INPP5J: variants seen among roughly 807,000 people sequenced by gnomAD.
INPP5J encodes the protein inositol polyphosphate-5-phosphatase J.
In INPP5J, 75 loss-of-function variants were observed where a neutral mutation model predicts 86.6. That is an observed-to-expected ratio of 0.87 (90% CI 0.72 to 1.05). INPP5J has a LOEUF of 1.05. Ranked by LOEUF, INPP5J falls within the 50% of genes least tolerant of loss-of-function variation. INPP5J has a pLI of 0.00. For synonymous variants in INPP5J, 540 were observed against 550.0 expected, an observed-to-expected ratio of 0.98 and a Z score of 0.25; for missense variants, 1,229 against 1,341.2, an observed-to-expected ratio of 0.92 and a Z score of 1.31.
At chr22:31,123,843 AC>A (rs148043802) in intron 1 of INPP5J, 1 of 151,936 alleles carries the variant, frequency 6.6e-6, no homozygotes, top group East Asian at 1.9e-4. Context: ...GTGACTCCCC[AC>A]CCCTCCCACC....
At chr22:31,129,743 T>C (rs1921897373) in intron 9 of INPP5J, among the ~76,000 whole-genome samples, 1 of 151,366 alleles carries the variant, frequency 6.6e-6, no homozygotes, top group Non-Finnish European at 1.5e-5. Context: ...GGTTTTGCCA[T>C]GTTGGCCAGG....
chr22:31,126,010 G>A lies in INPP5J; in HGVS notation c.1271G>A (p.Arg424Gln), dbSNP rs763405518. 1.0e-5 allele frequency: 16 copies of A among 1,558,776 alleles called. No individual in the cohort carries two copies. Among genetic ancestry groups the A allele is most frequent in the South Asian group, 2.3e-5 (2 of 85,646 alleles). The change falls in exon 2 of 13, where the codon CGG (arginine) becomes CAG (glutamine). Residue 424 changes from arginine (R) to glutamine (Q), a missense_variant and splice_region_variant. Transcript: ENST00000331075. ...QPTWKSDPGF[R>Q]ITVVTWNVGT... ...ACCTGGAAGAGCGACCCCGGCTTCC[G>A]GTGAGGGGGCCCTCTCCCAAGAAAG...
chr22:31,126,073 A>C lies in INPP5J; in HGVS notation c.1271+63A>C. 5 of 1,411,450 alleles carry C rather than the reference A, an allele frequency of 3.5e-6. No homozygotes were observed. The South Asian group carries it at 7.0e-5, about 20-fold the overall frequency. The allele number at this position is 1,411,450 out of a possible 1,614,324, so 87.4% of individuals were successfully genotyped here. The stretch of plus-strand genomic sequence containing the variant: ...TAGCTCTGAGGTTAGCCATTCTTCC[A>C]GGGTGGATGGTGTGCTCTACCTCAG... On this transcript the variant is annotated intron_variant, in intron 2 of 12. Coordinates refer to ENST00000331075, the MANE Select transcript of INPP5J (RefSeq NM_001284285.2).
In INPP5J at chr22:31,125,870, T is replaced by A. The variant is rs774002536; in HGVS notation, c.1131T>A (p.Ser377Arg). 4.3e-6 allele frequency: 7 copies of A among 1,611,074 alleles called. No individual in the cohort carries two copies. In the Admixed American group the frequency reaches 1.2e-4, roughly 27 times the overall value. ...CCCTCCCAAGGCTTGGCACACAGAG[T>A]ACAGGGCCTGGCAGGTGCCTGAGCC... ...DMALPRLGTQSTGPGRCLSPN... is the reference protein window; with the variant it reads ...DMALPRLGTQRTGPGRCLSPN... The change falls in exon 2 of 13, where the codon AGT (serine) becomes AGA (arginine). Residue 377 changes from serine to arginine, a missense_variant. Coordinates refer to ENST00000331075, the MANE Select transcript of INPP5J (RefSeq NM_001284285.2).
At chr22:31,127,098 C>A (rs1921554426) in intron 5 of INPP5J, 61 bp downstream of exon 5, 3 of 1,190,252 alleles carry the variant, frequency 2.5e-6, no homozygotes, top group Non-Finnish European at 3.6e-6. Flanking sequence ...GATTAGTCCC[C>A]CCGCCCCATG....
In INPP5J at chr22:31,128,643, T is replaced by A; in HGVS notation, c.2182T>A (p.Phe728Ile). The A allele has an allele frequency of 6.3e-7, 1 of 1,585,424 alleles. No homozygotes were observed. Among genetic ancestry groups the A allele is most frequent in the African/African-American group, 1.3e-5 (1 of 74,222 alleles). ...CGACCACAAGCCTGTGGCTGCCCAG[T>A]TCCTCCTGCAGGTGAGTTCTGGCCT... is the stretch of plus-strand genomic sequence containing the variant. ...VSDHKPVAAQ[F>I]LLQFAFRDDM... Residue 728 changes from phenylalanine (F) to isoleucine (I), a missense_variant, in exon 9 of 13, where the codon TTC becomes ATC. Phe to Ile is a conservative substitution (Grantham distance 21). Coordinates refer to ENST00000331075, the MANE Select transcript of INPP5J (RefSeq NM_001284285.2).
At chr22:31,124,713 A>G (rs1311231750) in intron 1 of INPP5J, 132 bp from the exon 2 acceptor site, 2 of 755,744 alleles carry the variant, frequency 2.6e-6, no homozygotes, top group Admixed American at 2.9e-5. Flanking sequence ...GATTGAAGTG[A>G]GATAGTAGGA....
intron 2 of INPP5J, 101 bp from the exon 3 acceptor site, chr22:31,126,275 C>A: frequency 9.6e-7 from 1 of 1,044,526 alleles, no homozygotes; most frequent in Non-Finnish European, 1.4e-6. Context: ...GGCTTTGGCC[C>A]ACACCTGCCT....
chr22:31,131,710 T>C (rs1036310948), intron 9 of INPP5J, among the ~76,000 whole-genome samples: 6 of 152,190 alleles, frequency 3.9e-5, no homozygotes, highest in Admixed American at 1.3e-4. Context: ...AAACTGAGGC[T>C]CAGAGAACTT....
chr22:31,122,957 GGGAGCGGTAGAGCT>G (rs2147866518), exon 1 of INPP5J: 1 of 1,167,284 alleles, frequency 8.6e-7, no homozygotes, highest in East Asian at 3.2e-5. Context: ...ACTGGTTCCC[GGGAGCGGTAGAGCT>G]GGAGCCGGAG....
chr22:31,134,488 C>G lies in INPP5J; in HGVS notation c.*69C>G. 1 of 1,381,612 alleles carries G rather than the reference C, an allele frequency of 7.2e-7. No homozygotes were observed. The highest frequency in any genetic ancestry group is 9.5e-7 in the Non-Finnish European group (1 of 1,054,414). 85.6% of individuals were successfully genotyped at this position (1,381,612 alleles called of 1,614,324 possible). ...CAATCTTTTGCAAGCCCACCTGCCT[C>G]TCTCCTGCTGCTCCTCCAGCTGTAT... On this transcript the variant is annotated 3_prime_UTR_variant, in exon 13 of 13. Coordinates refer to ENST00000331075, the MANE Select transcript of INPP5J (RefSeq NM_001284285.2).
chr22:31,126,727 G>T lies in INPP5J; in HGVS notation c.1494+6G>T. 6.2e-7 allele frequency: 1 copy of T among 1,605,898 alleles called. No individual in the cohort carries two copies. Among genetic ancestry groups the T allele is most frequent in the Non-Finnish European group, 8.5e-7 (1 of 1,172,550 alleles). On this transcript the variant is annotated splice_donor_region_variant and intron_variant, in intron 4 of 12. Transcript: ENST00000331075. The stretch of plus-strand genomic sequence containing the variant: ...GGCCCTTCAACTTCGTGCTGGTAAC[G>T]CACCCCTCACCCCCTGGACAGCCAG...
intron 9 of INPP5J, among the ~76,000 whole-genome samples, chr22:31,131,224 AC>A (rs1353202663): frequency 6.6e-6 from 1 of 152,096 alleles, no homozygotes; most frequent in Non-Finnish European, 1.5e-5. Context: ...ACTCCTTTTG[AC>A]ACCCCATCCT....
At position 31,123,046 on chromosome 22, in the gene INPP5J, G is replaced by A. The variant is rs756763786; in HGVS notation, c.32G>A (p.Arg11Lys). The A allele has an allele frequency of 1.8e-4, 268 of 1,477,620 alleles. 1 individual carries two copies. In the South Asian group the frequency reaches 3.4e-3, roughly 19 times the overall value. 91.5% of individuals were successfully genotyped at this position (1,477,620 alleles called of 1,614,324 possible). MEGQSSRGSR[R>K]PGTRAGLGSL... ...GGCCAGAGCAGCAGGGGCAGCAGGAGGCCAGGGACCCGGGCTGGCCTGGGT... is the reference window on the plus strand; with the variant it reads ...GGCCAGAGCAGCAGGGGCAGCAGGAAGCCAGGGACCCGGGCTGGCCTGGGT... The change falls in exon 1 of 13, where the codon AGG (arginine) becomes AAG (lysine). Residue 11 changes from arginine (R) to lysine (K), a missense_variant. By Grantham distance (26) the Arg-to-Lys change is conservative. Transcript: ENST00000331075.
At chr22:31,129,253 T>TTTTTTTTG (rs56055716) in intron 9 of INPP5J, among the ~76,000 whole-genome samples, 1 of 108,448 alleles carries the variant, frequency 9.2e-6, no homozygotes, top group South Asian at 3.1e-4. Context: ...TTTTTTTTTT[T>TTTTTTTTG]CTTTGAGACG....
chr22:31,125,148 T>C lies in INPP5J; in HGVS notation c.409T>C (p.Ser137Pro), dbSNP rs1249670496. The C allele has an allele frequency of 1.9e-6, 3 of 1,550,322 alleles. No homozygotes were observed. The Admixed American group carries it at 5.9e-5, about 30-fold the overall frequency. ...ATTGSVLAPT[S>P]LGLVMPASAG... ...CACAGGCTCAGTTCTGGCTCCGACG[T>C]CCCTGGGGCTGGTGATGCCTGCCTC... The change falls in exon 2 of 13, where the codon TCC (serine) becomes CCC (proline). Residue 137 changes from serine to proline, a missense_variant. Ser to Pro is a moderately conservative substitution (Grantham distance 74). Coordinates refer to ENST00000331075, the MANE Select transcript of INPP5J (RefSeq NM_001284285.2).
chr22:31,128,779 C>T (rs1285504682), intron 9 of INPP5J, 125 bp downstream of exon 9: 3 of 849,920 alleles, frequency 3.5e-6, no homozygotes, highest in Non-Finnish European at 3.6e-6. Flanking sequence ...TTTGTTGTAA[C>T]AGTGGAAATG....
In INPP5J at chr22:31,128,586, A is replaced by G. The variant is rs777628353; in HGVS notation, c.2125A>G (p.Ser709Gly). 10 of 1,612,848 alleles carry G rather than the reference A, an allele frequency of 6.2e-6. No homozygotes were observed. Among genetic ancestry groups the G allele is most frequent in the Non-Finnish European group, 8.5e-6 (10 of 1,179,630 alleles). The change falls in exon 9 of 13, where the codon AGC becomes GGC. Residue 709 changes from serine to glycine, a missense_variant. By Grantham distance (56) the Ser-to-Gly change is moderately conservative (BLOSUM62 0). Transcript: ENST00000331075. Reference protein sequence around the residue: ...KSHRLQVTQHSYRSHMEYTVS... With the variant: ...KSHRLQVTQHGYRSHMEYTVS... The stretch of plus-strand genomic sequence containing the variant: ...CCACCGACTCCAGGTGACGCAGCAC[A>G]GCTACCGCAGCCACATGGAATACAC...
intron 5 of INPP5J, 157 bp downstream of exon 5, chr22:31,127,194 C>A: frequency 1.3e-6 from 1 of 795,214 alleles, no homozygotes; most frequent in Non-Finnish European, 2.0e-6. Flanking sequence ...TCCTATTCCT[C>A]TATACCCCCG....
Sources: gnomAD v4.1 joint callset for allele counts (sites outside exome capture counted in the v4.1 genomes callset) on GRCh38, gnomAD v4.1.1 for gene constraint, MANE v1.5 for transcripts, NCBI Gene and HGNC (gene_info 2026-07-23, HGNC 2026-07-21) for gene names.